IGSF10: variants seen among roughly 807,000 people sequenced by gnomAD.
The protein encoded by IGSF10 is immunoglobulin superfamily member 10, also known as calvaria mechanical force protein 608.
In IGSF10, 126 loss-of-function variants were observed where a neutral mutation model predicts 128.2. The ratio of observed to expected loss-of-function variants is 0.98; its 90% CI spans 0.85 to 1.14. The LOEUF (loss-of-function observed/expected upper bound fraction) is 1.14, where lower values mean the gene tolerates loss of function less well. Among genes scored for constraint, IGSF10 ranks in the 50% most tolerant of loss-of-function variants. The pLI, the probability that IGSF10 is intolerant of heterozygous loss-of-function variation, is 0.00. For synonymous variants in IGSF10, 1,185 were observed against 1,146.2 expected, an observed-to-expected ratio of 1.03 and a Z score of -0.68; for missense variants, 3,295 against 3,149.8, an observed-to-expected ratio of 1.05 and a Z score of -1.10.
At chr3:151,481,159 G>A in the IGSF10 span, among the ~76,000 whole-genome samples, 2 of 152,108 alleles carry the variant, frequency 1.3e-5, no homozygotes, top group African/African-American at 4.8e-5. Flanking sequence ...TTCTGGGGTT[G>A]AGCAGATGCA....
At chr3:151,546,562 G>A in the IGSF10 span, among the ~76,000 whole-genome samples, 3 of 149,584 alleles carry the variant, frequency 2.0e-5, no homozygotes, top group Non-Finnish European at 4.4e-5. Flanking sequence ...TCAGTATGTC[G>A]CCCAGCCTGG....
chr3:151,532,318 T>C, the IGSF10 span, among the ~76,000 whole-genome samples: 83 of 151,156 alleles, frequency 5.5e-4, no homozygotes, highest in African/African-American at 1.8e-3. Context: ...GGAATCCTAA[T>C]TCATTTTATG....
the IGSF10 span, among the ~76,000 whole-genome samples, chr3:151,519,310 C>G: frequency 6.6e-6 from 1 of 151,668 alleles, no homozygotes; most frequent in South Asian, 2.1e-4. Flanking sequence ...TTTTAGGGCC[C>G]TCACTTGCAT....
chr3:151,568,086 AC>A, the IGSF10 span, among the ~76,000 whole-genome samples: 1 of 151,580 alleles, frequency 6.6e-6, no homozygotes, highest in Non-Finnish European at 1.5e-5. Flanking sequence ...AAGAGTAAAG[AC>A]CCTCTGTTCT....
the IGSF10 span, among the ~76,000 whole-genome samples, chr3:151,507,925 GGTCT>G: frequency 0.82 from 124,781 of 151,620 alleles, 51,425 homozygotes; most frequent in Middle Eastern, 0.92. Context: ...ATAATTTGAA[GGTCT>G]GTCAATAAAT....
At chr3:151,554,134 AC>A in the IGSF10 span, among the ~76,000 whole-genome samples, 2 of 14,594 alleles carry the variant, frequency 1.4e-4, no homozygotes, top group Non-Finnish European at 2.7e-4. Context: ...GAGTGAGATC[AC>A]ACACACACAC....
At chr3:151,525,752 A>T in the IGSF10 span, among the ~76,000 whole-genome samples, 1 of 152,218 alleles carries the variant, frequency 6.6e-6, no homozygotes, top group African/African-American at 2.4e-5. Context: ...CCTTCCTTCA[A>T]CAAGAGCCCA....
Position 151,448,281 on chromosome 3 carries a change from G to A in IGSF10, c.1700C>T (p.Thr567Ile). 2.5e-6 allele frequency: 4 copies of A among 1,614,230 alleles called. No individual in the cohort carries two copies. Among genetic ancestry groups the A allele is most frequent in the Non-Finnish European group, 3.4e-6 (4 of 1,180,032 alleles). Reference sequence around the variant, plus strand: ...GGCTTCGACCAAAGGTTCTACCACAGTTATCCTATAGGTGAGAATATCTGC... The same window carrying A: ...GGCTTCGACCAAAGGTTCTACCACAATTATCCTATAGGTGAGAATATCTGC... The part of the protein sequence containing the change: ...DDADILTYRI[T>I]VVEPLVEAYQ... The change falls in exon 6 of 8, where the codon ACT becomes ATT. Residue 567 changes from threonine to isoleucine, a missense_variant. Physicochemically the swap from Thr to Ile is moderately conservative, Grantham distance 89. Coordinates refer to ENST00000282466, the MANE Select transcript of IGSF10 (RefSeq NM_178822.5).
At chr3:151,438,738 C>T in intron 7 of IGSF10, 141 bp from the exon 8 acceptor site, 1 of 615,188 alleles carries the variant, frequency 1.6e-6, no homozygotes, top group South Asian at 2.1e-5. Context: ...TAGAACATGA[C>T]ATTTTGAGAG....
the IGSF10 span, among the ~76,000 whole-genome samples, chr3:151,556,423 G>T: frequency 1.2e-4 from 19 of 152,156 alleles, no homozygotes; most frequent in Admixed American, 1.3e-4. Context: ...AAACAGACCA[G>T]TTATGCTAAG....
the IGSF10 span, among the ~76,000 whole-genome samples, chr3:151,588,343 G>C: frequency 6.6e-6 from 1 of 152,022 alleles, no homozygotes; most frequent in Non-Finnish European, 1.5e-5. Flanking sequence ...ATTCAGAAGA[G>C]AACACAATAG....
At chr3:151,577,109 A>C in the IGSF10 span, among the ~76,000 whole-genome samples, 1 of 152,132 alleles carries the variant, frequency 6.6e-6, no homozygotes, top group African/African-American at 2.4e-5. Flanking sequence ...TATTCTGTCC[A>C]TATATTTATG....
the IGSF10 span, among the ~76,000 whole-genome samples, chr3:151,574,299 T>A: frequency 2.6e-5 from 4 of 152,220 alleles, no homozygotes; most frequent in South Asian, 2.1e-4. Context: ...CTGGATAACA[T>A]CCTGAAGAGT....
chr3:151,518,853 G>A, the IGSF10 span, among the ~76,000 whole-genome samples: 3 of 151,986 alleles, frequency 2.0e-5, no homozygotes, highest in South Asian at 6.2e-4. Context: ...GAGTACGCTA[G>A]TATTTTGAGG....
chr3:151,448,084 A>G lies in IGSF10; in HGVS notation c.1897T>C (p.Leu633=). 6.2e-7 allele frequency: 1 copy of G among 1,614,134 alleles called. No homozygotes were observed. Among genetic ancestry groups the G allele is most frequent in the South Asian group, 1.1e-5 (1 of 91,078 alleles). ...CCTTGGTCTTTCGGGGTGACCTGTA[A>G]TATTCTTAATGTGCCATTGTTTAGA... ...KVLNNGTLRI[L]QVTPKDQGYY... Residue 633 remains leucine (L), a synonymous_variant, in exon 6 of 8, where the codon TTA becomes CTA. Coordinates refer to ENST00000282466, the MANE Select transcript of IGSF10 (RefSeq NM_178822.5).
the IGSF10 span, among the ~76,000 whole-genome samples, chr3:151,502,311 C>T: frequency 3.3e-5 from 5 of 151,974 alleles, no homozygotes; most frequent in South Asian, 1.0e-3. Flanking sequence ...TAAGTAAATC[C>T]TTTTCACAGT....
chr3:151,440,504 T>G, intron 7 of IGSF10: 1 of 456,246 alleles, frequency 2.2e-6, no homozygotes, highest in Non-Finnish European at 4.4e-6. Context: ...TTGCACTGGT[T>G]GTTTAATCTT....
chr3:151,515,866 G>T, the IGSF10 span, among the ~76,000 whole-genome samples: 1 of 151,564 alleles, frequency 6.6e-6, no homozygotes, highest in Non-Finnish European at 1.5e-5. Context: ...ACTATCTGAT[G>T]GGCCATTTAA....
the IGSF10 span, among the ~76,000 whole-genome samples, chr3:151,534,869 C>T: frequency 6.7e-6 from 1 of 150,128 alleles, no homozygotes; most frequent in Admixed American, 6.7e-5. Flanking sequence ...CTAGAGGAAA[C>T]TACAGAATCA....
Sources: allele counts gnomAD v4.1 joint callset (sites outside exome capture counted in the v4.1 genomes callset), GRCh38; gene constraint gnomAD v4.1.1; transcripts MANE v1.5; gene names NCBI Gene and HGNC (gene_info 2026-07-23, HGNC 2026-07-21).